SMOX: variants seen among roughly 807,000 people sequenced by gnomAD.
The protein encoded by SMOX is spermine oxidase.
In SMOX, 22 loss-of-function variants were observed where a neutral mutation model predicts 51.0. The ratio of observed to expected loss-of-function variants is 0.43; its 90% CI spans 0.31 to 0.62. SMOX has a LOEUF of 0.62. Ranked by LOEUF, SMOX falls within the 20% of genes least tolerant of loss-of-function variation. The pLI is 0.10. For synonymous variants in SMOX, 282 were observed against 307.8 expected, an observed-to-expected ratio of 0.92 and a Z score of 0.88; for missense variants, 566 against 777.7, an observed-to-expected ratio of 0.73 and a Z score of 3.24.
At chr20:4,160,417 C>T (rs1045702058) in intron 1 of SMOX, among the ~76,000 whole-genome samples, 8 of 152,140 alleles carry the variant, frequency 5.3e-5, no homozygotes, top group Non-Finnish European at 7.4e-5. Context: ...GGCCTGAGGT[C>T]GGAGCAGGGA....
chr20:4,181,826 C>A lies in SMOX; in HGVS notation c.459C>A (p.Phe153Leu). The A allele has an allele frequency of 6.2e-7, 1 of 1,614,064 alleles. No homozygotes were observed. The highest frequency in any genetic ancestry group is 8.5e-7 in the Non-Finnish European group (1 of 1,179,996). Reference protein sequence around the residue: ...YNEVYNLTQEFFRHDKPVNAE... With the variant: ...YNEVYNLTQELFRHDKPVNAE... ...AGGTCTATAACTTGACCCAGGAGTT[C>A]TTCCGGCACGATAAACCAGTCAATG... Residue 153 changes from phenylalanine (F) to leucine (L), a missense_variant, in exon 4 of 7, where the codon TTC becomes TTA. Phe to Leu is a conservative substitution (Grantham distance 22). Transcript: ENST00000305958. The surrounding 1 kb of genome is among the most constrained non-coding windows in gnomAD (Gnocchi z 5.6).
At chr20:4,154,338 A>G (rs1362934087) in intron 1 of SMOX, among the ~76,000 whole-genome samples, 3 of 151,966 alleles carry the variant, frequency 2.0e-5, no homozygotes. Context: ...CTGATTCACC[A>G]GGTCTGGGGT....
rs1011922221 is a variant in SMOX at position 4,170,384 on chromosome 20, C to G, written c.-26-4646C>G. Reference sequence around the variant, plus strand: ...CTGGGCATTTCCAGGCGGGGCTTGGCAGGGTCAGACGTTGGAGACCAGGAC... The same window carrying G: ...CTGGGCATTTCCAGGCGGGGCTTGGGAGGGTCAGACGTTGGAGACCAGGAC... On this transcript the variant is annotated intron_variant, in intron 1 of 6. Transcript: ENST00000305958. This position sits in a 1 kb window ranked among gnomAD's most constrained non-coding sequence, Gnocchi z 4.6. Among the ~76,000 whole-genome samples, 1 of 152,102 alleles carries G rather than the reference C, an allele frequency of 6.6e-6. No individual in the cohort carries two copies. Among genetic ancestry groups the G allele is most frequent in the African/African-American group, 2.4e-5 (1 of 41,408 alleles).
At position 4,168,883 on chromosome 20, in the gene SMOX, C is replaced by CTATTTTATTT. The variant is rs11467242; in HGVS notation, c.-26-6088_-26-6079dup. ...TCTCTCTCTTTTTAAAATTAATGCT[C>CTATTTTATTT]TATTTTATTTTATTTTATTTTATTT... On this transcript the variant is annotated intron_variant, in intron 1 of 6. Transcript: ENST00000305958. Among the ~76,000 whole-genome samples the CTATTTTATTT allele has an allele frequency of 6.9e-3, 889 of 128,584 alleles. 9 individuals are homozygous for CTATTTTATTT. The highest frequency in any genetic ancestry group is 0.02 in the Middle Eastern group (5 of 248). The allele number at this position is 128,584 out of a possible 152,430, so 84.4% of individuals were successfully genotyped here. A position where few individuals can be genotyped will look rare whatever the true frequency, so the allele number is the denominator to read the frequency against.
chr20:4,173,035 T>G (rs1978539957), intron 1 of SMOX, among the ~76,000 whole-genome samples: 1 of 152,240 alleles, frequency 6.6e-6, no homozygotes, highest in Non-Finnish European at 1.5e-5. Context: ...AAAGTCAGTG[T>G]GGCAGCCTTT....
chr20:4,170,226 C>T lies in SMOX; in HGVS notation c.-26-4804C>T, dbSNP rs1350764824. Among the ~76,000 whole-genome samples, 2 of 151,904 alleles carry T rather than the reference C, an allele frequency of 1.3e-5. No homozygotes were observed. Among genetic ancestry groups the T allele is most frequent in the Non-Finnish European group, 2.9e-5 (2 of 67,986 alleles). Reference sequence around the variant, plus strand: ...GATTCAGGCTGTGGAGTTGCCATGGCTTGACCCGATGTATGAGGAGGGTCT... The same window carrying T: ...GATTCAGGCTGTGGAGTTGCCATGGTTTGACCCGATGTATGAGGAGGGTCT... On this transcript the variant is annotated intron_variant, in intron 1 of 6. Transcript: ENST00000305958. The surrounding 1 kb of genome is among the most constrained non-coding windows in gnomAD (Gnocchi z 4.6).
Position 4,172,034 on chromosome 20 carries a change from T to G in SMOX, c.-26-2996T>G, listed in dbSNP as rs1278641237. On this transcript the variant is annotated intron_variant, in intron 1 of 6. Coordinates refer to ENST00000305958, the MANE Select transcript of SMOX (RefSeq NM_175839.3). The surrounding 1 kb of genome is among the most constrained non-coding windows in gnomAD (Gnocchi z 7.7). ...CAACGCTGGAGCTTATCTGGTCCCC[T>G]GGTTTTCAGAGGTGGTGCTCCAGGG... 1 of 152,452 alleles carries G rather than the reference T, an allele frequency of 6.6e-6. No individual in the cohort carries two copies. Among genetic ancestry groups the G allele is most frequent in the Non-Finnish European group, 1.5e-5 (1 of 68,214 alleles). 9.4% of individuals were successfully genotyped at this position (152,452 alleles called of 1,614,324 possible). A position where few individuals can be genotyped will look rare whatever the true frequency, so the allele number is the denominator to read the frequency against.
chr20:4,173,368 TG>T (rs1451652565), intron 1 of SMOX, among the ~76,000 whole-genome samples: 8 of 152,198 alleles, frequency 5.3e-5, no homozygotes, highest in African/African-American at 1.9e-4. Context: ...GTGATTGAGG[TG>T]CATCTGTGTG....
intron 1 of SMOX, among the ~76,000 whole-genome samples, chr20:4,161,278 T>C (rs751482901): frequency 1.3e-5 from 2 of 152,156 alleles, no homozygotes; most frequent in Non-Finnish European, 2.9e-5. Context: ...CTGCAGGTGA[T>C]GCCTCATGCA....
intron 1 of SMOX, among the ~76,000 whole-genome samples, chr20:4,155,572 C>T (rs759521476): frequency 1.3e-5 from 2 of 152,100 alleles, no homozygotes; most frequent in African/African-American, 2.4e-5. Context: ...GGGGCATTGC[C>T]TCTTCCCAGA....
chr20:4,187,329 C>G lies in SMOX; in HGVS notation c.1590C>G (p.His530Gln). Residue 530 changes from histidine to glutamine, a missense_variant, in exon 7 of 7, where the codon CAC (histidine) becomes CAG (glutamine). Physicochemically the swap from His to Gln is conservative, Grantham distance 24. Coordinates refer to ENST00000305958, the MANE Select transcript of SMOX (RefSeq NM_175839.3). This position sits in a 1 kb window ranked among gnomAD's most constrained non-coding sequence, Gnocchi z 4.8. Reference sequence around the variant, plus strand: ...ACCGCAAGTACTATTCCACCACCCACGGTGCTCTGCTGTCCGGCCAGCGTG... The same window carrying G: ...ACCGCAAGTACTATTCCACCACCCAGGGTGCTCTGCTGTCCGGCCAGCGTG... Reference protein sequence around the residue: ...ATHRKYYSTTHGALLSGQREA... With the variant: ...ATHRKYYSTTQGALLSGQREA... 1.9e-6 allele frequency: 3 copies of G among 1,614,234 alleles called. No homozygotes were observed. The highest frequency in any genetic ancestry group is 2.5e-6 in the Non-Finnish European group (3 of 1,180,042).
intron 1 of SMOX, among the ~76,000 whole-genome samples, chr20:4,173,416 G>A (rs1978575618): frequency 6.6e-6 from 1 of 152,192 alleles, no homozygotes; most frequent in African/African-American, 2.4e-5. Flanking sequence ...GTCTACTGCT[G>A]AAGAATAGTC....
At chr20:4,163,110 G>A (rs893098379) in intron 1 of SMOX, among the ~76,000 whole-genome samples, 6 of 152,086 alleles carry the variant, frequency 3.9e-5, no homozygotes, top group African/African-American at 1.4e-4. Flanking sequence ...CTTCCTCTCC[G>A]GCACTGTCAG....
At chr20:4,158,153 G>A (rs375975899) in intron 1 of SMOX, among the ~76,000 whole-genome samples, 4 of 151,914 alleles carry the variant, frequency 2.6e-5, no homozygotes, top group Non-Finnish European at 4.4e-5. Context: ...GCCCGCCTTG[G>A]CCTCCCAAAG....
At chr20:4,171,776 G>C (rs1380065906) in intron 1 of SMOX, 1 of 152,276 alleles carries the variant, frequency 6.6e-6, no homozygotes, top group South Asian at 2.1e-4. Flanking sequence ...TCCACAGCTT[G>C]TTCCAAAGAC....
chr20:4,148,945 C>T lies in SMOX; in HGVS notation c.-59C>T, dbSNP rs1393195196. 6.6e-6 allele frequency: 1 copy of T among 152,048 alleles called. No homozygotes were observed. The highest frequency in any genetic ancestry group is 1.5e-5 in the Non-Finnish European group (1 of 68,076). 9.4% of individuals were successfully genotyped at this position (152,048 alleles called of 1,614,324 possible). On this transcript the variant is annotated 5_prime_UTR_variant, in exon 1 of 7. Transcript: ENST00000305958. The stretch of plus-strand genomic sequence containing the variant: ...AGGCCGAGACCGGAGCGCCGCTCGC[C>T]GCAGACTTACTTCCCCGGCTCAGCA...
chr20:4,181,022 C>G lies in SMOX; in HGVS notation c.436-781C>G, dbSNP rs987349593. ...TTCCTTCAGGGAGCTCTGCCCAGTG[C>G]TTAGTGGGGACTGTATATGAGACAG... On this transcript the variant is annotated intron_variant, in intron 3 of 6. Transcript: ENST00000305958. The surrounding 1 kb of genome is among the most constrained non-coding windows in gnomAD (Gnocchi z 5.6). Among the ~76,000 whole-genome samples, 1 of 152,186 alleles carries G rather than the reference C, an allele frequency of 6.6e-6. No homozygotes were observed. Among genetic ancestry groups the G allele is most frequent in the African/African-American group, 2.4e-5 (1 of 41,432 alleles).
Position 4,153,834 on chromosome 20 carries a change from C to A in SMOX, c.-27+4857C>A, listed in dbSNP as rs75288457. On this transcript the variant is annotated intron_variant, in intron 1 of 6. Coordinates refer to ENST00000305958, the MANE Select transcript of SMOX (RefSeq NM_175839.3). This position sits in a 1 kb window ranked among gnomAD's most constrained non-coding sequence, Gnocchi z 4.4. ...TGCTGAGTCGAAGTGAAGGCTGTGG[C>A]CAAGCCTGAGGCGGGCAGGCTAGAG... is the stretch of plus-strand genomic sequence containing the variant. Among the ~76,000 whole-genome samples the A allele has an allele frequency of 0.035, 5,314 of 152,220 alleles. 319 individuals are homozygous for A. The highest frequency in any genetic ancestry group is 0.12 in the African/African-American group (5,004 of 41,524).
intron 1 of SMOX, among the ~76,000 whole-genome samples, chr20:4,150,690 C>T (rs1256481084): frequency 6.6e-6 from 1 of 152,194 alleles, no homozygotes; most frequent in Non-Finnish European, 1.5e-5. Flanking sequence ...CCTCCAGCCC[C>T]AGCCTCTCTA....
Sources: gnomAD v4.1 joint callset for allele counts (sites outside exome capture counted in the v4.1 genomes callset) on GRCh38, gnomAD v4.1.1 for gene constraint, Gnocchi (gnomAD v3.1) non-coding constraint, MANE v1.5 for transcripts, NCBI Gene and HGNC (gene_info 2026-07-23, HGNC 2026-07-21) for gene names.